IL1RAPL2: variants seen among roughly 807,000 people sequenced by gnomAD.
The protein encoded by IL1RAPL2 is interleukin 1 receptor accessory protein like 2.
A neutral mutation model predicts 44.1 loss-of-function variants in IL1RAPL2; 3 were observed. That is an observed-to-expected ratio of 0.07 (90% confidence interval 0.03 to 0.18). The LOEUF (loss-of-function observed/expected upper bound fraction) is 0.18, where lower values mean the gene tolerates loss of function less well. Ranked by LOEUF, IL1RAPL2 falls within the 10% of genes least tolerant of loss-of-function variation. The probability of loss-of-function intolerance (pLI) is 1.00; values close to 1 mark genes in which losing one functional copy is unlikely to be tolerated. For missense variants in IL1RAPL2, 391 were observed against 496.4 expected, an observed-to-expected ratio of 0.79 and a Z score of 2.02; for synonymous variants, 181 against 178.8, an observed-to-expected ratio of 1.01 and a Z score of -0.10.
chrX:104,985,000 A>C (rs1021751153), intron 2 of IL1RAPL2, among the ~76,000 whole-genome samples: 7 of 112,408 alleles, frequency 6.2e-5, no homozygotes, highest in Non-Finnish European at 1.1e-4. Context: ...CTTTATGTTT[A>C]TAAAAGATTG....
At chrX:104,640,336 G>A (rs1262120847) in intron 1 of IL1RAPL2, among the ~76,000 whole-genome samples, 1 of 111,204 alleles carries the variant, frequency 9.0e-6, no homozygotes, top group Non-Finnish European at 1.9e-5. Context: ...TTTCTGACTG[G>A]TTCCTTTTTA....
Position 104,801,589 on chromosome X carries a change from A to G in IL1RAPL2, c.82+142594A>G, listed in dbSNP as rs745685545. Among the ~76,000 whole-genome samples, 7 of 111,943 alleles carry G rather than the reference A, an allele frequency of 6.3e-5. 1 individual carries two copies. The South Asian group carries it at 1.5e-3, about 24-fold the overall frequency. ...AGTTATATATATTTTCCTAGTCTAG[A>G]AGTGCAAGCTTAAGTTTGCATTCAT... On this transcript the variant is annotated intron_variant, in intron 2 of 10. Transcript: ENST00000372582.
At chrX:105,723,249 G>A (rs1166963200) in intron 7 of IL1RAPL2, among the ~76,000 whole-genome samples, 4 of 111,279 alleles carry the variant, frequency 3.6e-5, no homozygotes, top group Non-Finnish European at 7.5e-5. Context: ...AACGAGGATG[G>A]CCTTCACTTC....
intron 5 of IL1RAPL2, among the ~76,000 whole-genome samples, chrX:105,302,249 A>G (rs1326998939): frequency 8.9e-6 from 1 of 111,892 alleles, no homozygotes; most frequent in Non-Finnish European, 1.9e-5. Flanking sequence ...TGTTCCTTAT[A>G]TATCCTGGTT....
chrX:104,927,857 C>T (rs1359673303), intron 2 of IL1RAPL2, among the ~76,000 whole-genome samples: 1 of 111,744 alleles, frequency 8.9e-6, no homozygotes, highest in East Asian at 2.8e-4. Flanking sequence ...ATTGTTACTC[C>T]TCAAGGGAGT....
rs774864494 is a variant in IL1RAPL2 at position 104,645,309 on chromosome X, A to T, written c.-19-13586A>T. ...TATCCTCAATTTTTCACTAACATCT[A>T]TTCTTAGATGTACTATAGGCAACTC... On this transcript the variant is annotated intron_variant, in intron 1 of 10. Coordinates refer to ENST00000372582, the MANE Select transcript of IL1RAPL2 (RefSeq NM_017416.2). Among the ~76,000 whole-genome samples, 12 of 111,358 alleles carry T rather than the reference A, an allele frequency of 1.1e-4. No individual in the cohort carries two copies. The South Asian group carries it at 4.5e-3, about 42-fold the overall frequency.
intron 2 of IL1RAPL2, chrX:104,803,866 C>T (rs975192535): frequency 1.8e-5 from 2 of 112,051 alleles, no homozygotes; most frequent in Non-Finnish European, 3.8e-5. Context: ...TCAGTAAAAA[C>T]ACGACATGGC....
intron 6 of IL1RAPL2, among the ~76,000 whole-genome samples, chrX:105,612,622 C>T (rs1281852108): frequency 2.7e-5 from 3 of 112,377 alleles, no homozygotes; most frequent in Non-Finnish European, 3.8e-5. Context: ...GCAGGAAAGA[C>T]GGTCTTGAAT....
At chrX:105,395,379 T>TA (rs1172597638) in intron 5 of IL1RAPL2, among the ~76,000 whole-genome samples, 1 of 107,145 alleles carries the variant, frequency 9.3e-6, no homozygotes, top group Non-Finnish European at 1.9e-5. Flanking sequence ...TTTTTTTAAT[T>TA]AAAAAAAAAG....
rs1250573844 is a variant in IL1RAPL2 at position 104,659,015 on chromosome X, C to T, written c.82+20C>T. ...ATTCTGGTAAGTTGCTGGCAACTTG[C>T]CACTATTTGGTCAAAAATGTACAGT... On this transcript the variant is annotated intron_variant, in intron 2 of 10. Transcript: ENST00000372582. 2 of 1,128,874 alleles carry T rather than the reference C, an allele frequency of 1.8e-6. No individual in the cohort carries two copies. The highest frequency in any genetic ancestry group is 2.4e-6 in the Non-Finnish European group (2 of 824,784). The allele number at this position is 1,128,874 out of a possible 1,213,427, so 93.0% of individuals were successfully genotyped here.
At chrX:105,564,886 T>C (rs998291357) in intron 6 of IL1RAPL2, among the ~76,000 whole-genome samples, 2 of 112,167 alleles carry the variant, frequency 1.8e-5, no homozygotes, top group East Asian at 5.6e-4. Flanking sequence ...TCAAAGGCTT[T>C]GATTTTTTCT....
chrX:104,633,935 T>C (rs1275498583), intron 1 of IL1RAPL2, among the ~76,000 whole-genome samples: 1 of 111,492 alleles, frequency 9.0e-6, no homozygotes. Context: ...ATTGTGATGT[T>C]AGGGTGTCAA....
intron 6 of IL1RAPL2, among the ~76,000 whole-genome samples, chrX:105,564,064 C>G (rs945914609): frequency 9.0e-6 from 1 of 111,504 alleles, no homozygotes; most frequent in African/African-American, 3.3e-5. Context: ...AGGGGTTGTT[C>G]TCTGCTTCAT....
Position 105,680,201 on chromosome X carries a change from A to G in IL1RAPL2, c.773-37166A>G, listed in dbSNP as rs775710712. ...TTTTAAGTAGAGACGGTGTTTCACC[A>G]TGTTAGCCAGGATGGTCTAGATCTC... On this transcript the variant is annotated intron_variant, in intron 6 of 10. Transcript: ENST00000372582. 7.2e-5 allele frequency among the ~76,000 whole-genome samples: 8 copies of G among 111,565 alleles called. No homozygotes were observed. In the South Asian group the frequency reaches 3.0e-3, roughly 42 times the overall value.
rs748921542 is a variant in IL1RAPL2 at position 105,505,490 on chromosome X, A to G, written c.772+21103A>G. 8.0e-5 allele frequency among the ~76,000 whole-genome samples: 9 copies of G among 111,874 alleles called. No individual in the cohort carries two copies. In the South Asian group the frequency reaches 3.3e-3, roughly 42 times the overall value. ...TTCATAAGGTAAAAGTTAAAAGATG[A>G]GGAGGAGGCACCATGTTAAAATTAA... On this transcript the variant is annotated intron_variant, in intron 6 of 10. Coordinates refer to ENST00000372582, the MANE Select transcript of IL1RAPL2 (RefSeq NM_017416.2).
chrX:104,649,387 T>A (rs754186255), intron 1 of IL1RAPL2, among the ~76,000 whole-genome samples: 1 of 111,753 alleles, frequency 8.9e-6, no homozygotes, highest in African/African-American at 3.2e-5. Flanking sequence ...CTTTCCAAAT[T>A]TGAGTTTGAG....
At chrX:105,677,815 T>C (rs1263280343) in intron 6 of IL1RAPL2, among the ~76,000 whole-genome samples, 1 of 111,877 alleles carries the variant, frequency 8.9e-6, no homozygotes, top group Non-Finnish European at 1.9e-5. Flanking sequence ...GTCCCTAGTA[T>C]GTATCCTCTA....
chrX:104,880,851 C>T (rs193044381), intron 2 of IL1RAPL2, among the ~76,000 whole-genome samples: 5 of 111,839 alleles, frequency 4.5e-5, no homozygotes, highest in South Asian at 3.7e-4. Context: ...TCCTTCAACA[C>T]GCCATCAACT....
intron 2 of IL1RAPL2, among the ~76,000 whole-genome samples, chrX:105,140,847 T>C (rs1432471597): frequency 9.0e-6 from 1 of 111,641 alleles, no homozygotes; most frequent in African/African-American, 3.3e-5. Flanking sequence ...GATGTGGATA[T>C]GTAGAGGTGA....
Sources: allele counts gnomAD v4.1 joint callset (sites outside exome capture counted in the v4.1 genomes callset), GRCh38; gene constraint gnomAD v4.1.1; transcripts MANE v1.5; gene names NCBI Gene and HGNC (gene_info 2026-07-23, HGNC 2026-07-21).